The following CTNNA2 variants were observed in gnomAD, a reference collection of about 807,000 sequenced individuals.
CTNNA2 encodes the protein catenin alpha 2.
In CTNNA2, 42 loss-of-function variants were observed where a neutral mutation model predicts 101.0. That is an observed-to-expected ratio of 0.42 (90% CI 0.32 to 0.54). CTNNA2 has a LOEUF of 0.54. Among genes scored for constraint, CTNNA2 ranks in the 20% least tolerant of loss-of-function variants. The pLI is 0.14. For missense variants in CTNNA2, 871 were observed against 1,223.1 expected, an observed-to-expected ratio of 0.71 and a Z score of 4.29; for synonymous variants, 450 against 456.4, an observed-to-expected ratio of 0.99 and a Z score of 0.18.
chr2:80,096,774 C>G (rs1700181890), intron 7 of CTNNA2, among the ~76,000 whole-genome samples: 2 of 152,058 alleles, frequency 1.3e-5, no homozygotes, highest in African/African-American at 4.8e-5. Flanking sequence ...CCTTCTTTGT[C>G]TCTTTTGATG....
chr2:80,646,706 T>G (rs1036913103), intron 18 of CTNNA2, among the ~76,000 whole-genome samples: 2 of 151,890 alleles, frequency 1.3e-5, no homozygotes, highest in African/African-American at 4.8e-5. Context: ...TAACCCAAAA[T>G]ATTCCTGGCC....
intron 2 of CTNNA2, among the ~76,000 whole-genome samples, chr2:79,220,226 T>C (rs1212161043): frequency 6.6e-6 from 1 of 152,054 alleles, no homozygotes; most frequent in Non-Finnish European, 1.5e-5. Context: ...GTATATTGAA[T>C]AGATGAGTTC....
intron 3 of CTNNA2, among the ~76,000 whole-genome samples, chr2:79,785,546 T>C (rs1674772772): frequency 2.6e-5 from 4 of 151,218 alleles, no homozygotes; most frequent in African/African-American, 7.3e-5. Flanking sequence ...TAACACACTT[T>C]GCTTTTTTTC....
chr2:80,086,752 G>C (rs1454356323), intron 7 of CTNNA2, among the ~76,000 whole-genome samples: 2 of 151,996 alleles, frequency 1.3e-5, no homozygotes, highest in Non-Finnish European at 2.9e-5. Context: ...ACAGAGCAGT[G>C]GTGGGAGCTA....
At chr2:79,511,872 C>T (rs1361340443), upstream of CTNNA2, among the ~76,000 whole-genome samples, 4 of 152,082 alleles carry the variant, frequency 2.6e-5, no homozygotes, top group Non-Finnish European at 5.9e-5. Flanking sequence ...ATCCAAGTGT[C>T]GGCATGAACA....
chr2:80,618,036 T>C (rs1698997500), intron 17 of CTNNA2, among the ~76,000 whole-genome samples: 1 of 151,878 alleles, frequency 6.6e-6, no homozygotes, highest in Non-Finnish European at 1.5e-5. Flanking sequence ...TGCTCTTCAA[T>C]AGTGTCTGTT....
intron 3 of CTNNA2, among the ~76,000 whole-genome samples, chr2:79,761,003 C>G (rs1672751778): frequency 6.6e-6 from 1 of 151,942 alleles, no homozygotes; most frequent in African/African-American, 2.4e-5. Context: ...TTTGTATTTG[C>G]CAAATATTAA....
At chr2:80,218,620 T>C (rs7604671) in intron 7 of CTNNA2, among the ~76,000 whole-genome samples, 37,586 of 152,170 alleles carry the variant, frequency 0.25, 7,666 homozygotes, top group African/African-American at 0.56. Context: ...TCAGTTCTCT[T>C]GACTGTAAAA....
chr2:79,913,543 C>T (rs533800617), intron 7 of CTNNA2, among the ~76,000 whole-genome samples: 1 of 152,188 alleles, frequency 6.6e-6, no homozygotes, highest in South Asian at 2.1e-4. Flanking sequence ...GATTCAGGTG[C>T]TGAGAACAGG....
intron 7 of CTNNA2, among the ~76,000 whole-genome samples, chr2:80,211,909 G>A (rs1240582363): frequency 1.3e-5 from 2 of 152,068 alleles, no homozygotes; most frequent in Non-Finnish European, 1.5e-5. Context: ...GTGGTTTGTA[G>A]TTCTCCTTGA....
intron 9 of CTNNA2, among the ~76,000 whole-genome samples, chr2:80,424,082 A>G (rs529176364): frequency 2.0e-4 from 31 of 152,124 alleles, no homozygotes; most frequent in African/African-American, 7.5e-4. Flanking sequence ...CAGCCTCCCA[A>G]GTAGCTTGGA....
intron 7 of CTNNA2, among the ~76,000 whole-genome samples, chr2:80,237,111 G>A (rs1400041734): frequency 6.6e-6 from 1 of 152,090 alleles, no homozygotes; most frequent in Non-Finnish European, 1.5e-5. Flanking sequence ...CCTTAGATCA[G>A]AAAACACAGC....
intron 11 of CTNNA2, among the ~76,000 whole-genome samples, chr2:80,555,492 G>A (rs1692952145): frequency 6.6e-6 from 1 of 152,228 alleles, no homozygotes; most frequent in South Asian, 2.1e-4. Flanking sequence ...TCTATGTGAT[G>A]CTACCAGCCC....
At chr2:79,459,335 G>A (rs978060533) in intron 4 of CTNNA2, among the ~76,000 whole-genome samples, 2 of 151,608 alleles carry the variant, frequency 1.3e-5, no homozygotes, top group Non-Finnish European at 2.9e-5. Context: ...CAGACAAATT[G>A]TATTTTTAGG....
At chr2:80,561,400 G>T (rs968984158) in intron 12 of CTNNA2, among the ~76,000 whole-genome samples, 2 of 152,170 alleles carry the variant, frequency 1.3e-5, no homozygotes, top group Non-Finnish European at 2.9e-5. Context: ...AAGTATTGTA[G>T]AAATCTGATA....
At chr2:79,658,056 G>T (rs928946036) in intron 2 of CTNNA2, among the ~76,000 whole-genome samples, 3 of 151,714 alleles carry the variant, frequency 2.0e-5, no homozygotes, top group African/African-American at 7.3e-5. Flanking sequence ...TCTATTCAAA[G>T]GGAAAGAATT....
At chr2:79,387,726 G>T (rs1456716096) in intron 4 of CTNNA2, among the ~76,000 whole-genome samples, 1 of 139,484 alleles carries the variant, frequency 7.2e-6, no homozygotes, top group Admixed American at 6.7e-5. Flanking sequence ...AAACCTGGCG[G>T]CAGAGCTCCA....
At chr2:79,394,836 C>T (rs1279578679) in intron 4 of CTNNA2, among the ~76,000 whole-genome samples, 21 of 152,106 alleles carry the variant, frequency 1.4e-4, no homozygotes. Context: ...ACCCTCATGC[C>T]TTGTTTATGG....
intron 7 of CTNNA2, among the ~76,000 whole-genome samples, chr2:80,061,997 A>G (rs1415702780): frequency 6.6e-6 from 1 of 152,224 alleles, no homozygotes; most frequent in African/African-American, 2.4e-5. Context: ...TCAGAATAGA[A>G]TGCTGTAAAA....
Sources: gnomAD v4.1 joint callset for allele counts (sites outside exome capture counted in the v4.1 genomes callset) on GRCh38, gnomAD v4.1.1 for gene constraint, MANE v1.5 for transcripts, NCBI Gene and HGNC (gene_info 2026-07-23, HGNC 2026-07-21) for gene names.